FAM177A1: variants seen among roughly 807,000 people sequenced by gnomAD.
FAM177A1 encodes the protein protein FAM177A1.
Under a neutral mutation model 26.1 loss-of-function variants are expected in FAM177A1, and 22 were observed. That is an observed-to-expected ratio of 0.84 (90% confidence interval 0.60 to 1.20). The LOEUF is 1.20. FAM177A1 is among the 50% of genes most tolerant of loss of function. The pLI, the probability that FAM177A1 is intolerant of heterozygous loss-of-function variation, is 0.00. For missense variants in FAM177A1, 296 were observed against 291.1 expected (o/e 1.02, Z -0.12); for synonymous variants, 95 against 99.3 (o/e 0.96, Z 0.26).
At chr14:35,046,858 C>T (rs1595032612) in intron 1 of FAM177A1, 1 of 1,337,652 alleles carries the variant, frequency 7.5e-7, no homozygotes, top group Non-Finnish European at 9.6e-7. Flanking sequence ...TCTGGGGCGG[C>T]CTCGGGTTCC....
chr14:35,071,272 C>T (rs750926860), intron 2 of FAM177A1, among the ~76,000 whole-genome samples: 6 of 152,190 alleles, frequency 3.9e-5, no homozygotes, highest in East Asian at 3.9e-4. Context: ...GCTGGGATTA[C>T]AGGCGTGAGC....
intron 2 of FAM177A1, among the ~76,000 whole-genome samples, chr14:35,066,406 C>CT (rs530069165): frequency 0.17 from 21,106 of 126,020 alleles, 1,888 homozygotes; most frequent in Middle Eastern, 0.25. Flanking sequence ...AAAAGAGCAT[C>CT]TTTTTTTTTT....
chr14:35,064,685 C>G (rs1045380239), intron 2 of FAM177A1, among the ~76,000 whole-genome samples: 5 of 151,868 alleles, frequency 3.3e-5, no homozygotes, highest in Non-Finnish European at 7.4e-5. Flanking sequence ...GAATCTTGCT[C>G]TGTTGTCCAG....
At position 35,081,256 on chromosome 14, in the gene FAM177A1, C is replaced by CT. The variant is rs770250955; in HGVS notation, c.*30dup. The CT allele has an allele frequency of 1.9e-5, 30 of 1,561,012 alleles. No individual in the cohort carries two copies. The highest frequency in any genetic ancestry group is 1.0e-4 in the African/African-American group (7 of 69,582). ...TGAAATGACTATCAAGCTTCAAACTCTTAAGTTTTTTTTTTTTAATACAAA... is the reference window on the plus strand; with the variant it reads ...TGAAATGACTATCAAGCTTCAAACTCTTTAAGTTTTTTTTTTTTAATACAAA... On this transcript the variant is annotated 3_prime_UTR_variant, in exon 5 of 5. Transcript: ENST00000280987.
intron 2 of FAM177A1, among the ~76,000 whole-genome samples, chr14:35,068,449 G>A (rs1416411714): frequency 3.9e-5 from 6 of 152,184 alleles, no homozygotes; most frequent in Non-Finnish European, 2.9e-5. Flanking sequence ...AGAGTCCTTT[G>A]TCCTCTGGCT....
intron 2 of FAM177A1, among the ~76,000 whole-genome samples, chr14:35,069,167 TA>T (rs759290384): frequency 6.6e-6 from 1 of 152,136 alleles, no homozygotes; most frequent in East Asian, 1.9e-4. Flanking sequence ...ATTAGCCAAT[TA>T]AAAAAATTTT....
rs757688937 is a variant in FAM177A1, at chr14:35,081,258, TAAG to T, written c.*31_*33del. On this transcript the variant is annotated 3_prime_UTR_variant, in exon 5 of 5. Coordinates refer to ENST00000280987, the MANE Select transcript of FAM177A1 (RefSeq NM_173607.5). The stretch of plus-strand genomic sequence containing the variant: ...AAATGACTATCAAGCTTCAAACTCT[TAAG>T]TTTTTTTTTTTTAATACAAAAACTT... 1 of 1,567,390 alleles carries T rather than the reference TAAG, an allele frequency of 6.4e-7. No individual in the cohort carries two copies. The highest frequency in any genetic ancestry group is 8.6e-7 in the Non-Finnish European group (1 of 1,164,110).
At chr14:35,061,022 A>G (rs1041153531) in intron 2 of FAM177A1, among the ~76,000 whole-genome samples, 3 of 152,080 alleles carry the variant, frequency 2.0e-5, no homozygotes, top group Non-Finnish European at 2.9e-5. Flanking sequence ...GCTATTGTTA[A>G]TCTCTTATTG....
chr14:35,081,011 C>CT lies in FAM177A1; in HGVS notation c.505-3dup, dbSNP rs760599143. 18 of 1,583,108 alleles carry CT rather than the reference C, an allele frequency of 1.1e-5. No homozygotes were observed. The highest frequency in any genetic ancestry group is 5.5e-5 in the African/African-American group (4 of 72,944). On this transcript the variant is annotated splice_polypyrimidine_tract_variant and intron_variant, in intron 4 of 4. Transcript: ENST00000280987. The stretch of plus-strand genomic sequence containing the variant: ...ATTTCAACTATTCTTGATATTGCTC[C>CT]TTTTTTTTAGGAAGAAGAAGAAGAA...
chr14:35,046,759 C>A (rs1304937094), intron 1 of FAM177A1, 131 bp downstream of exon 1: 19 of 1,400,846 alleles, frequency 1.4e-5, no homozygotes, highest in Middle Eastern at 3.7e-4. Context: ...CTCCTCACTG[C>A]ACCCCTGTTT....
chr14:35,053,808 A>T (rs539705362), intron 2 of FAM177A1, among the ~76,000 whole-genome samples: 1 of 152,262 alleles, frequency 6.6e-6, no homozygotes, highest in South Asian at 2.1e-4. Context: ...CCTGGCCAAC[A>T]TGGCAAAACG....
intron 4 of FAM177A1, among the ~76,000 whole-genome samples, chr14:35,080,324 A>C (rs549747649): frequency 2.6e-5 from 4 of 152,212 alleles, no homozygotes; most frequent in African/African-American, 7.2e-5. Context: ...TATGCTATAT[A>C]TCATGTAGTA....
At position 35,053,275 on chromosome 14, in the gene FAM177A1, T is replaced by C. The variant is rs61754299; in HGVS notation, c.166-3T>C. 4.1e-3 allele frequency: 6,661 copies of C among 1,606,138 alleles called. 26 individuals are homozygous for C. The highest frequency in any genetic ancestry group is 5.1e-3 in the Non-Finnish European group (5,988 of 1,177,972). On this transcript the variant is annotated splice_region_variant and splice_polypyrimidine_tract_variant and intron_variant, in intron 1 of 4. Transcript: ENST00000280987. ...TCATTTTCTTAAAATATCGTTGATATAGATGAGTAACGAAAGAGGCTTTGA... is the reference window on the plus strand; with the variant it reads ...TCATTTTCTTAAAATATCGTTGATACAGATGAGTAACGAAAGAGGCTTTGA...
chr14:35,068,034 T>G (rs528088799), intron 2 of FAM177A1, among the ~76,000 whole-genome samples: 1 of 152,338 alleles, frequency 6.6e-6, no homozygotes, highest in East Asian at 1.9e-4. Flanking sequence ...TTTGATGTAA[T>G]CCCATTAGTC....
rs1308201859 is a variant in FAM177A1 at position 35,046,577 on chromosome 14, C to T, written c.114C>T (p.Val38=). Residue 38 remains valine (V), a synonymous_variant, in exon 1 of 5, where the codon GTC becomes GTT. Transcript: ENST00000280987. ...PVGGVERGEA[V]AASGAAAAAA... Reference sequence around the variant, plus strand: ...GCGGTGTGGAACGAGGAGAAGCCGTCGCAGCCTCGGGAGCTGCGGCCGCCG... The same window carrying T: ...GCGGTGTGGAACGAGGAGAAGCCGTTGCAGCCTCGGGAGCTGCGGCCGCCG... 2 of 1,568,904 alleles carry T rather than the reference C, an allele frequency of 1.3e-6. No individual in the cohort carries two copies. Among genetic ancestry groups the T allele is most frequent in the African/African-American group, 2.7e-5 (2 of 73,066 alleles).
At chr14:35,070,333 AT>A (rs897023108) in intron 2 of FAM177A1, among the ~76,000 whole-genome samples, 13 of 140,856 alleles carry the variant, frequency 9.2e-5, no homozygotes, top group Admixed American at 2.9e-4. Context: ...CTATAACAAT[AT>A]TTTTTTTTTC....
intron 1 of FAM177A1, among the ~76,000 whole-genome samples, chr14:35,049,024 A>T (rs916585322): frequency 2.6e-5 from 4 of 151,602 alleles, no homozygotes; most frequent in African/African-American, 9.7e-5. Context: ...CTGAGTAGCT[A>T]GGACTACAGG....
rs1287721740 is a variant in FAM177A1 at position 35,061,516 on chromosome 14, TTTC to T, written c.339+8068_339+8070del. Reference sequence around the variant, plus strand: ...CAAATGTCTATTTGTTTTTTTCTCATTTCTTTTTTTTTTTTTTTATCTCACTCA... The same window carrying T: ...CAAATGTCTATTTGTTTTTTTCTCATTTTTTTTTTTTTTTTATCTCACTCA... On this transcript the variant is annotated intron_variant, in intron 2 of 4. Transcript: ENST00000280987. Among the ~76,000 whole-genome samples, 6 of 135,588 alleles carry T rather than the reference TTTC, an allele frequency of 4.4e-5. No individual in the cohort carries two copies. In the South Asian group the frequency reaches 1.2e-3, roughly 28 times the overall value. The allele number at this position is 135,588 out of a possible 152,430, so 89.0% of individuals were successfully genotyped here.
At chr14:35,065,545 T>C (rs1368410271) in intron 2 of FAM177A1, among the ~76,000 whole-genome samples, 1 of 152,036 alleles carries the variant, frequency 6.6e-6, no homozygotes, top group Non-Finnish European at 1.5e-5. Flanking sequence ...TTTGAATCCT[T>C]TTATATAGAC....
Sources: gnomAD v4.1 joint callset for allele counts (sites outside exome capture counted in the v4.1 genomes callset) on GRCh38, gnomAD v4.1.1 for gene constraint, MANE v1.5 for transcripts, NCBI Gene and HGNC (gene_info 2026-07-23, HGNC 2026-07-21) for gene names.